SGCG: variants seen among roughly 807,000 people sequenced by gnomAD.
The protein encoded by SGCG is sarcoglycan gamma, also known as gamma-sarcoglycan.
In SGCG, 26 loss-of-function variants were observed where a neutral mutation model predicts 29.3. That is an observed-to-expected ratio of 0.89 (90% confidence interval 0.65 to 1.23). SGCG has a LOEUF of 1.23. Among genes scored for constraint, SGCG ranks in the 50% most tolerant of loss-of-function variants. SGCG has a pLI of 0.00. For synonymous variants in SGCG, 145 were observed against 129.7 expected, an observed-to-expected ratio of 1.12 and a Z score of -0.80; for missense variants, 353 against 356.0, an observed-to-expected ratio of 0.99 and a Z score of 0.07.
At chr13:23,241,018 G>A (rs997475333) in intron 3 of SGCG, among the ~76,000 whole-genome samples, 14 of 151,658 alleles carry the variant, frequency 9.2e-5, no homozygotes, top group Admixed American at 2.6e-4. Flanking sequence ...GCGTGGTGGC[G>A]GGTGCCTGTA....
chr13:23,208,528 GA>G (rs1253432782), intron 2 of SGCG, among the ~76,000 whole-genome samples: 2 of 152,084 alleles, frequency 1.3e-5, no homozygotes, highest in Non-Finnish European at 2.9e-5. Flanking sequence ...GAATAAATCT[GA>G]ATTCAGATAA....
intron 4 of SGCG, among the ~76,000 whole-genome samples, chr13:23,272,839 A>G (rs902124383): frequency 6.6e-6 from 1 of 152,178 alleles, no homozygotes; most frequent in Admixed American, 6.5e-5. Context: ...CAATTTTAGC[A>G]ATCACTATTT....
intron 1 of SGCG, among the ~76,000 whole-genome samples, chr13:23,183,641 C>T (rs192974689): frequency 4.9e-4 from 74 of 152,068 alleles, no homozygotes; most frequent in Admixed American, 1.4e-3. Context: ...TTGATTGTAA[C>T]GAAAACTTTA....
chr13:23,249,001 A>G (rs1172594992), intron 3 of SGCG, among the ~76,000 whole-genome samples: 1 of 146,254 alleles, frequency 6.8e-6, no homozygotes, highest in African/African-American at 2.5e-5. Context: ...AGAAAAGAAA[A>G]AAAAAAAAAA....
intron 3 of SGCG, among the ~76,000 whole-genome samples, chr13:23,248,933 G>A (rs1317930078): frequency 2.7e-5 from 4 of 148,854 alleles, no homozygotes; most frequent in Non-Finnish European, 5.9e-5. Context: ...GGAGCTTGCA[G>A]TGAGCCGAGA....
intron 2 of SGCG, among the ~76,000 whole-genome samples, chr13:23,211,287 C>T (rs528073130): frequency 6.6e-6 from 1 of 152,256 alleles, no homozygotes; most frequent in African/African-American, 2.4e-5. Context: ...AGCCAGAAGC[C>T]TGTGCTTCTC....
intron 1 of SGCG, among the ~76,000 whole-genome samples, chr13:23,184,183 C>T (rs1215478949): frequency 6.6e-6 from 1 of 152,210 alleles, no homozygotes; most frequent in Non-Finnish European, 1.5e-5. Flanking sequence ...ATAGGAAAAA[C>T]ACATATATAC....
chr13:23,260,967 C>A (rs1463654443), intron 4 of SGCG, among the ~76,000 whole-genome samples: 1 of 152,132 alleles, frequency 6.6e-6, no homozygotes, highest in Non-Finnish European at 1.5e-5. Context: ...CTGCCGTTAA[C>A]ATTTTTTCCT....
At chr13:23,188,036 A>G (rs893481397) in intron 1 of SGCG, among the ~76,000 whole-genome samples, 2 of 152,188 alleles carry the variant, frequency 1.3e-5, no homozygotes, top group Non-Finnish European at 2.9e-5. Flanking sequence ...AGCCTGCAGT[A>G]TGTGCAGCCC....
intron 4 of SGCG, among the ~76,000 whole-genome samples, chr13:23,279,048 A>T (rs1881200409): frequency 6.6e-6 from 1 of 152,238 alleles, no homozygotes; most frequent in African/African-American, 2.4e-5. Context: ...TACAAGTTTA[A>T]CCATGAATAG....
intron 2 of SGCG, among the ~76,000 whole-genome samples, chr13:23,225,621 A>G (rs1453960703): frequency 1.3e-5 from 2 of 152,044 alleles, no homozygotes; most frequent in Non-Finnish European, 2.9e-5. Context: ...TTTCTGACAC[A>G]AGATCTTCCA....
Position 23,246,650 on chromosome 13 carries a change from C to T in SGCG, c.298-3980C>T, listed in dbSNP as rs9550936. The T allele has an allele frequency of 3.5e-4, 77 of 217,632 alleles. No individual in the cohort carries two copies. In the East Asian group the frequency reaches 7.8e-3, roughly 22 times the overall value. The allele number at this position is 217,632 out of a possible 1,614,324, so 13.5% of individuals were successfully genotyped here. The stretch of plus-strand genomic sequence containing the variant: ...AAGAAGTATTTTAAAAGCCTTACAA[C>T]ACCCCAAGTCTGTGGCATTTGGAGA... On this transcript the variant is annotated intron_variant, in intron 3 of 7. Coordinates refer to ENST00000218867, the MANE Select transcript of SGCG (RefSeq NM_000231.3).
At chr13:23,217,171 A>G (rs548508040) in intron 2 of SGCG, among the ~76,000 whole-genome samples, 2 of 152,210 alleles carry the variant, frequency 1.3e-5, no homozygotes, top group East Asian at 3.9e-4. Flanking sequence ...ATCCTCAAAT[A>G]GTTTCCTGAA....
chr13:23,242,930 C>T (rs1401998141), intron 3 of SGCG, among the ~76,000 whole-genome samples: 1 of 151,992 alleles, frequency 6.6e-6, no homozygotes, highest in African/African-American at 2.4e-5. Flanking sequence ...GTTTTCTTAC[C>T]TAGAAAATGG....
intron 2 of SGCG, among the ~76,000 whole-genome samples, chr13:23,232,082 G>T (rs1879133931): frequency 6.6e-6 from 1 of 150,664 alleles, no homozygotes; most frequent in African/African-American, 2.4e-5. Flanking sequence ...TTTCACTACT[G>T]CACTCCAGCC....
Position 23,279,277 on chromosome 13 carries a change from G to A in SGCG, c.386-82G>A, listed in dbSNP as rs566832741. The A allele has an allele frequency of 5.5e-5, 71 of 1,290,958 alleles. No individual in the cohort carries two copies. The African/African-American group carries it at 1.0e-3, about 19-fold the overall frequency. 80.0% of individuals were successfully genotyped at this position (1,290,958 alleles called of 1,614,324 possible). A position where few individuals can be genotyped will look rare whatever the true frequency, so the allele number is the denominator to read the frequency against. On this transcript the variant is annotated intron_variant, in intron 4 of 7. Transcript: ENST00000218867. ...AGTCTTTAGATACTTGGTATTGTAGGGTTGACGTGGCATGTGTAAAAATAG... is the reference window on the plus strand; with the variant it reads ...AGTCTTTAGATACTTGGTATTGTAGAGTTGACGTGGCATGTGTAAAAATAG...
chr13:23,167,271 G>T, the SGCG span, among the ~76,000 whole-genome samples: 2,214 of 152,264 alleles, frequency 0.015, 36 homozygotes, highest in African/African-American at 0.05. Context: ...TTGTGTACAT[G>T]TGCCACATTT....
At chr13:23,209,554 A>C (rs578220673) in intron 2 of SGCG, among the ~76,000 whole-genome samples, 1 of 152,364 alleles carries the variant, frequency 6.6e-6, no homozygotes, top group South Asian at 2.1e-4. Flanking sequence ...GAAAGAATGC[A>C]GATATGCAAG....
At chr13:23,261,207 C>T (rs538512838) in intron 4 of SGCG, among the ~76,000 whole-genome samples, 21 of 151,976 alleles carry the variant, frequency 1.4e-4, no homozygotes, top group African/African-American at 4.6e-4. Flanking sequence ...TCACGTAGTC[C>T]CATATTTCTT....
Sources: allele counts gnomAD v4.1 joint callset (sites outside exome capture counted in the v4.1 genomes callset), GRCh38; gene constraint gnomAD v4.1.1; transcripts MANE v1.5; gene names NCBI Gene and HGNC (gene_info 2026-07-23, HGNC 2026-07-21).